SCMH1: variants seen among roughly 807,000 people sequenced by gnomAD.
The protein encoded by SCMH1 is Scm polycomb group protein homolog 1, also known as polycomb protein SCMH1.
SCMH1 carries 37 observed loss-of-function variants against 70.8 expected under a neutral mutation model. The observed-to-expected ratio is 0.52, with a 90% CI of 0.40 to 0.69. SCMH1 has a LOEUF of 0.69. Ranked by LOEUF, SCMH1 falls within the 30% of genes least tolerant of loss-of-function variation. The pLI is 0.00. For missense variants in SCMH1, 607 were observed against 827.3 expected (o/e 0.73, Z 3.27); for synonymous variants, 292 against 307.4 (o/e 0.95, Z 0.52).
At chr1:41,061,648 C>T (rs1328369601) in intron 10 of SCMH1, among the ~76,000 whole-genome samples, 1 of 152,162 alleles carries the variant, frequency 6.6e-6, no homozygotes, top group African/African-American at 2.4e-5. Context: ...TCAACACCCC[C>T]CATCAGAAAT....
chr1:41,132,901 A>G (rs543517790), intron 6 of SCMH1, among the ~76,000 whole-genome samples: 3 of 152,042 alleles, frequency 2.0e-5, no homozygotes, highest in South Asian at 2.1e-4. Context: ...ATTGGTCTAT[A>G]TATCTGTTTT....
chr1:41,176,637 G>A (rs1373058446), intron 2 of SCMH1, among the ~76,000 whole-genome samples: 1 of 152,188 alleles, frequency 6.6e-6, no homozygotes, highest in Non-Finnish European at 1.5e-5. Context: ...CTATGCCCAC[G>A]GAGCCTCGCT....
In SCMH1 at chr1:41,067,458, C is replaced by CA. The variant is rs60607308; in HGVS notation, c.1105+3136dup. Among the ~76,000 whole-genome samples, 339 of 60,272 alleles carry CA rather than the reference C, an allele frequency of 5.6e-3. 1 individual carries two copies. The highest frequency in any genetic ancestry group is 0.013 in the African/African-American group (158 of 12,472). 39.5% of individuals were successfully genotyped at this position (60,272 alleles called of 152,430 possible). On this transcript the variant is annotated intron_variant, in intron 10 of 14. Coordinates refer to ENST00000337495, the Ensembl canonical transcript of SCMH1. ...GACTCCATCTCAACAACAACAACAA[C>CA]AAAAAAAAAAAAAAAAAAAAAAAGA...
At chr1:41,192,346 C>G (rs982113697) in intron 1 of SCMH1, among the ~76,000 whole-genome samples, 5 of 152,170 alleles carry the variant, frequency 3.3e-5, no homozygotes. Flanking sequence ...TGCAGACTGA[C>G]AGCCTGGGTT....
intron 6 of SCMH1, among the ~76,000 whole-genome samples, chr1:41,128,842 T>C (rs1003893858): frequency 2.0e-5 from 3 of 152,138 alleles, no homozygotes; most frequent in Admixed American, 6.6e-5. Flanking sequence ...TTTCAGTTCT[T>C]TTTCTCTCTG....
chr1:41,098,757 TTCCTCCCCCC>T (rs1005300162), intron 8 of SCMH1: 1 of 27,982 alleles, frequency 3.6e-5, no homozygotes, highest in Non-Finnish European at 7.3e-5. Flanking sequence ...TCCCTCCCCC[TTCCTCCCCCC>T]GACCCCCACC....
chr1:41,064,228 T>C (rs921429954), intron 10 of SCMH1, among the ~76,000 whole-genome samples: 2 of 152,006 alleles, frequency 1.3e-5, no homozygotes, highest in African/African-American at 2.4e-5. Flanking sequence ...AAACTAGAAA[T>C]AGAGGGAAAT....
intron 1 of SCMH1, among the ~76,000 whole-genome samples, chr1:41,199,421 C>A (rs922251221): frequency 1.3e-5 from 2 of 152,158 alleles, no homozygotes; most frequent in African/African-American, 4.8e-5. Context: ...ATGTCCACTT[C>A]CTTCCACTCA....
chr1:41,098,863 G>A (rs1174208874), intron 8 of SCMH1: 1 of 164,290 alleles, frequency 6.1e-6, no homozygotes, highest in Non-Finnish European at 1.3e-5. Context: ...TCCTTGGAAG[G>A]GCACCCACAG....
At chr1:41,136,630 C>T (rs1229383216) in intron 6 of SCMH1, among the ~76,000 whole-genome samples, 3 of 151,952 alleles carry the variant, frequency 2.0e-5, no homozygotes, top group South Asian at 2.1e-4. Context: ...CCTCGGCCTC[C>T]GAAAGTGCTG....
At chr1:41,083,331 T>A (rs2148961776) in intron 8 of SCMH1, among the ~76,000 whole-genome samples, 2 of 151,972 alleles carry the variant, frequency 1.3e-5, no homozygotes, top group South Asian at 4.2e-4. Context: ...TAAACCAGTA[T>A]CAGACAAACA....
chr1:41,077,849 G>A (rs991692607), intron 8 of SCMH1, among the ~76,000 whole-genome samples: 7 of 152,116 alleles, frequency 4.6e-5, no homozygotes, highest in Non-Finnish European at 7.4e-5. Flanking sequence ...AATATAAAAC[G>A]TTTGGCATAC....
chr1:41,187,361 C>T lies in SCMH1; in HGVS notation c.-117-1111G>A, dbSNP rs546814781. Among the ~76,000 whole-genome samples the T allele has an allele frequency of 4.0e-5, 6 of 150,892 alleles. No individual in the cohort carries two copies. The South Asian group carries it at 1.1e-3, about 26-fold the overall frequency. Reference sequence around the variant, plus strand: ...CTTGTAATCCCGGCTACTCGAGAGGCTGAGGCATCAGAATCACTTGAACCC... The same window carrying T: ...CTTGTAATCCCGGCTACTCGAGAGGTTGAGGCATCAGAATCACTTGAACCC... On this transcript the variant is annotated intron_variant, in intron 1 of 14. Coordinates refer to ENST00000337495, the Ensembl canonical transcript of SCMH1.
intron 2 of SCMH1, among the ~76,000 whole-genome samples, chr1:41,181,835 A>C (rs982707397): frequency 1.1e-4 from 17 of 152,296 alleles, no homozygotes; most frequent in Non-Finnish European, 2.2e-4. Context: ...TTGACCCAGC[A>C]ATCCCATTAC....
intron 1 of SCMH1, among the ~76,000 whole-genome samples, chr1:41,222,886 A>G (rs1372788681): frequency 6.6e-6 from 1 of 152,226 alleles, no homozygotes; most frequent in Non-Finnish European, 1.5e-5. Flanking sequence ...TGATAGGGTA[A>G]TAGGGAAAAC....
chr1:41,039,909 G>A (rs1249382647), intron 12 of SCMH1, among the ~76,000 whole-genome samples: 2 of 151,596 alleles, frequency 1.3e-5, no homozygotes, highest in Admixed American at 1.3e-4. Flanking sequence ...ATGCACTGGA[G>A]TGTATACAAA....
intron 4 of SCMH1, chr1:41,152,629 G>A (rs1645167748): frequency 4.3e-6 from 7 of 1,614,188 alleles, no homozygotes; most frequent in Non-Finnish European, 5.9e-6. Context: ...GAGCAGGGAA[G>A]GTCCCAGAGA....
rs140986560 is a variant in SCMH1 at position 41,134,996 on chromosome 1, T to G, written c.412+7882A>C. Among the ~76,000 whole-genome samples, 6 of 152,340 alleles carry G rather than the reference T, an allele frequency of 3.9e-5. No homozygotes were observed. In the East Asian group the frequency reaches 1.2e-3, roughly 29 times the overall value. ...TATGTTGAATTCTATTAATGATTTT[T>G]CTAAAGTTAAATATTTTCATTCTCC... On this transcript the variant is annotated intron_variant, in intron 6 of 14. Transcript: ENST00000337495.
intron 7 of SCMH1, 75 bp downstream of exon 7, chr1:41,116,847 G>A (rs1044003800): frequency 3.2e-5 from 39 of 1,208,824 alleles, no homozygotes; most frequent in Non-Finnish European, 3.5e-6. Flanking sequence ...CAGGCCATAA[G>A]TAAATGTGGA....
Sources: allele counts gnomAD v4.1 joint callset (sites outside exome capture counted in the v4.1 genomes callset), GRCh38; gene constraint gnomAD v4.1.1; transcripts MANE v1.5; gene names NCBI Gene and HGNC (gene_info 2026-07-23, HGNC 2026-07-21).